SYT16: variants seen among roughly 807,000 people sequenced by gnomAD.
SYT16 encodes the protein synaptotagmin 16.
In SYT16, 42 loss-of-function variants were observed where a neutral mutation model predicts 61.4. The observed-to-expected ratio is 0.68, with a 90% CI of 0.53 to 0.89. The LOEUF is 0.89. Among genes scored for constraint, SYT16 ranks in the 40% least tolerant of loss-of-function variants. SYT16 has a pLI of 0.00. For synonymous variants in SYT16, 314 were observed against 302.3 expected (o/e 1.04, Z -0.40); for missense variants, 804 against 807.3 (o/e 1.00, Z 0.05).
rs187792517 is a variant in SYT16, at chr14:62,108,397, G to A, written c.*7690G>A. 6.6e-5 allele frequency: 10 copies of A among 152,202 alleles called. No individual in the cohort carries two copies. The highest frequency in any genetic ancestry group is 2.2e-4 in the African/African-American group (9 of 41,552). The allele number at this position is 152,202 out of a possible 1,614,324, so 9.4% of individuals were successfully genotyped here. On this transcript the variant is annotated 3_prime_UTR_variant, in exon 8 of 8. Coordinates refer to ENST00000683842, the MANE Select transcript of SYT16 (RefSeq NM_001367656.1). ...ACCTTGATGTTTGAGAAGAAATATC[G>A]GAAGTCTGCCAGTAAAAACTCTGAT... is the stretch of plus-strand genomic sequence containing the variant.
At chr14:61,854,565 C>T (rs964643186) in intron 1 of SYT16, among the ~76,000 whole-genome samples, 8 of 152,206 alleles carry the variant, frequency 5.3e-5, no homozygotes, top group African/African-American at 1.7e-4. Context: ...TATAATGTCA[C>T]TGCTCTGGTT....
chr14:62,080,238 G>T (rs1235296325), intron 5 of SYT16, among the ~76,000 whole-genome samples: 2 of 152,208 alleles, frequency 1.3e-5, no homozygotes, highest in Non-Finnish European at 1.5e-5. Context: ...CCCAGAAATG[G>T]CAGGATCTCA....
At chr14:61,951,610 G>C (rs2050673096) in intron 1 of SYT16, among the ~76,000 whole-genome samples, 1 of 151,952 alleles carries the variant, frequency 6.6e-6, no homozygotes, top group African/African-American at 2.4e-5. Context: ...GTCTGAAGTA[G>C]ACTTATCTCT....
chr14:61,978,863 C>T (rs568856907), intron 2 of SYT16, among the ~76,000 whole-genome samples: 1 of 152,344 alleles, frequency 6.6e-6, no homozygotes, highest in East Asian at 1.9e-4. Context: ...GGGCAGTTGA[C>T]TTCTGCACAG....
rs528567030 is a variant in SYT16, at chr14:61,877,969, C to T, written c.-325+65159C>T. On this transcript the variant is annotated intron_variant, in intron 1 of 7. Transcript: ENST00000683842. ...GTCCCAGGCACACAGGCACACACTG[C>T]CAGTATACCTTGCCCTGGGCACACA... Among the ~76,000 whole-genome samples the T allele has an allele frequency of 1.1e-4, 16 of 152,260 alleles. 1 individual carries two copies. The South Asian group carries it at 3.3e-3, about 32-fold the overall frequency.
intron 1 of SYT16, among the ~76,000 whole-genome samples, chr14:61,814,302 A>G (rs1397013084): frequency 6.6e-6 from 1 of 152,174 alleles, no homozygotes; most frequent in African/African-American, 2.4e-5. Flanking sequence ...AAAAAAAATT[A>G]TGGTTGAAGC....
At chr14:61,855,124 T>C (rs1332898629) in intron 1 of SYT16, among the ~76,000 whole-genome samples, 2 of 152,228 alleles carry the variant, frequency 1.3e-5, no homozygotes, top group East Asian at 3.8e-4. Context: ...ATTCATTAAC[T>C]ACAAATCAAA....
At chr14:61,930,080 C>G (rs1482295431) in intron 1 of SYT16, among the ~76,000 whole-genome samples, 3 of 152,166 alleles carry the variant, frequency 2.0e-5, no homozygotes, top group Non-Finnish European at 4.4e-5. Context: ...GTGCTCACAT[C>G]TTATCTAGGG....
At chr14:62,091,539 A>ATATGG (rs1442904009) in intron 7 of SYT16, among the ~76,000 whole-genome samples, 1 of 152,216 alleles carries the variant, frequency 6.6e-6, no homozygotes, top group Non-Finnish European at 1.5e-5. Flanking sequence ...AATTACATAA[A>ATATGG]TATGGGAATG....
At chr14:61,989,035 CT>C (rs1174271975) in intron 2 of SYT16, among the ~76,000 whole-genome samples, 2 of 151,926 alleles carry the variant, frequency 1.3e-5, no homozygotes, top group Non-Finnish European at 2.9e-5. Context: ...TTTTTTTCAA[CT>C]GTAAAATGGG....
At chr14:62,060,132 A>C (rs565625492) in intron 3 of SYT16, among the ~76,000 whole-genome samples, 41 of 152,138 alleles carry the variant, frequency 2.7e-4, no homozygotes, top group Non-Finnish European at 5.4e-4. Context: ...TTCAGAGTCT[A>C]CTTGTCAAAC....
intron 1 of SYT16, among the ~76,000 whole-genome samples, chr14:61,928,889 C>T (rs2049645860): frequency 6.6e-6 from 1 of 152,126 alleles, no homozygotes; most frequent in Admixed American, 6.5e-5. Context: ...CCATCTCCTG[C>T]AGGAAGAAAG....
intron 1 of SYT16, among the ~76,000 whole-genome samples, chr14:61,904,527 C>G (rs1199336496): frequency 6.6e-6 from 1 of 152,152 alleles, no homozygotes; most frequent in Non-Finnish European, 1.5e-5. Context: ...TGAGTGCTGG[C>G]TTTTGCTGGT....
intron 7 of SYT16, among the ~76,000 whole-genome samples, chr14:62,096,033 C>A (rs142608848): frequency 6.4e-4 from 98 of 151,944 alleles, no homozygotes; most frequent in African/African-American, 2.2e-3. Flanking sequence ...AATAATCCTT[C>A]CCATATACAA....
intron 3 of SYT16, among the ~76,000 whole-genome samples, chr14:62,023,621 T>A (rs2053992875): frequency 6.6e-6 from 1 of 152,202 alleles, no homozygotes; most frequent in African/African-American, 2.4e-5. Flanking sequence ...GAAGTGAATG[T>A]GTAGATTACC....
At position 61,857,112 on chromosome 14, in the gene SYT16, A is replaced by C. The variant is rs543073415; in HGVS notation, c.-325+44302A>C. Reference sequence around the variant, plus strand: ...GAGATAGTGAAAGAAGAAAGCCAATAAAGGGTGTGTTATTGAGATGGTTGC... The same window carrying C: ...GAGATAGTGAAAGAAGAAAGCCAATCAAGGGTGTGTTATTGAGATGGTTGC... On this transcript the variant is annotated intron_variant, in intron 1 of 7. Transcript: ENST00000683842. Among the ~76,000 whole-genome samples, 5 of 152,128 alleles carry C rather than the reference A, an allele frequency of 3.3e-5. No homozygotes were observed. The South Asian group carries it at 8.3e-4, about 25-fold the overall frequency.
At chr14:61,830,023 A>G (rs1286928525) in intron 1 of SYT16, among the ~76,000 whole-genome samples, 1 of 151,608 alleles carries the variant, frequency 6.6e-6, no homozygotes, top group African/African-American at 2.4e-5. Flanking sequence ...GAGCCCAGCT[A>G]GTGAGTTAAA....
At chr14:61,856,799 A>G (rs1159882093) in intron 1 of SYT16, among the ~76,000 whole-genome samples, 3 of 152,220 alleles carry the variant, frequency 2.0e-5, no homozygotes, top group African/African-American at 7.2e-5. Flanking sequence ...GACATCACCA[A>G]TGGAGTAAGC....
At position 61,984,763 on chromosome 14, in the gene SYT16, A is replaced by G. The variant is rs577669091; in HGVS notation, c.-144-11113A>G. 1.2e-4 allele frequency among the ~76,000 whole-genome samples: 18 copies of G among 152,292 alleles called. No homozygotes were observed. The South Asian group carries it at 1.4e-3, about 12-fold the overall frequency. On this transcript the variant is annotated intron_variant, in intron 2 of 7. Transcript: ENST00000683842. ...CATTTTGGTTTAACTGAATAGATAC[A>G]ATCTGTATAACTATATATAATGCTA...
Sources: allele counts gnomAD v4.1 joint callset (sites outside exome capture counted in the v4.1 genomes callset), GRCh38; gene constraint gnomAD v4.1.1; transcripts MANE v1.5; gene names NCBI Gene and HGNC (gene_info 2026-07-23, HGNC 2026-07-21).